The following PXK variants were observed in gnomAD, a reference collection of about 807,000 sequenced individuals.
PXK encodes the protein PX domain-containing protein kinase-like protein.
A neutral mutation model predicts 84.7 loss-of-function variants in PXK; 35 were observed. That is an observed-to-expected ratio of 0.41 (90% CI 0.32 to 0.55). The LOEUF (loss-of-function observed/expected upper bound fraction) is 0.55, where lower values mean the gene tolerates loss of function less well. Among genes scored for constraint, PXK ranks in the 20% least tolerant of loss-of-function variants. The pLI is 0.21. For synonymous variants in PXK, 253 were observed against 260.8 expected, an observed-to-expected ratio of 0.97 and a Z score of 0.29; for missense variants, 634 against 699.7, an observed-to-expected ratio of 0.91 and a Z score of 1.06.
chr3:58,414,805 G>A lies in PXK; in HGVS notation c.1528+1842G>A, dbSNP rs2060722941. The stretch of plus-strand genomic sequence containing the variant: ...ATCTGACCTCTGCTGGGCATTTCCT[G>A]TAATGCATCTCATGAAAATGGTAAC... On this transcript the variant is annotated intron_variant, in intron 17 of 17. Coordinates refer to ENST00000356151, the MANE Select transcript of PXK (RefSeq NM_017771.5). The surrounding 1 kb of genome is among the most constrained non-coding windows in gnomAD (Gnocchi z 4.5). Among the ~76,000 whole-genome samples the A allele has an allele frequency of 6.6e-6, 1 of 152,186 alleles. No individual in the cohort carries two copies. The highest frequency in any genetic ancestry group is 1.5e-5 in the Non-Finnish European group (1 of 68,038).
At chr3:58,350,622 G>A (rs2097904631) in intron 1 of PXK, among the ~76,000 whole-genome samples, 1 of 152,148 alleles carries the variant, frequency 6.6e-6, no homozygotes, top group Non-Finnish European at 1.5e-5. Flanking sequence ...GTGCGCCCTT[G>A]TTTAAGGCAT....
intron 1 of PXK, among the ~76,000 whole-genome samples, chr3:58,342,647 A>AAAAAAAAAAAAAAAG (rs1553743386): frequency 7.2e-6 from 1 of 138,748 alleles, no homozygotes; most frequent in Admixed American, 7.3e-5. Flanking sequence ...AAAAAAAAAA[A>AAAAAAAAAAAAAAAG]AAAAGAAAAG....
intron 17 of PXK, among the ~76,000 whole-genome samples, chr3:58,420,361 G>A (rs376606754): frequency 1.3e-5 from 2 of 152,318 alleles, no homozygotes; most frequent in South Asian, 4.1e-4. Context: ...GCTCACAATC[G>A]TGTTTACAAA....
chr3:58,385,002 G>C lies in PXK; in HGVS notation c.388+2302G>C, dbSNP rs2098539513. ...TTGCACATTTGTGTGACTTTAGTCT[G>C]GTCTGAGTGTTTAAGTTAAAATGCT... On this transcript the variant is annotated intron_variant, in intron 4 of 17. Coordinates refer to ENST00000356151, the MANE Select transcript of PXK (RefSeq NM_017771.5). The surrounding 1 kb of genome is among the most constrained non-coding windows in gnomAD (Gnocchi z 5.1). 1.3e-5 allele frequency among the ~76,000 whole-genome samples: 2 copies of C among 152,186 alleles called. No homozygotes were observed. The highest frequency in any genetic ancestry group is 2.9e-5 in the Non-Finnish European group (2 of 68,032).
chr3:58,339,664 A>C (rs2097693013), intron 1 of PXK, among the ~76,000 whole-genome samples: 2 of 152,160 alleles, frequency 1.3e-5, no homozygotes. Context: ...GACTATAATT[A>C]CTAGGAAGAA....
chr3:58,336,252 T>A (rs1048575022), intron 1 of PXK, among the ~76,000 whole-genome samples: 1 of 151,318 alleles, frequency 6.6e-6, no homozygotes, highest in African/African-American at 2.4e-5. Flanking sequence ...ATTTGTGAAC[T>A]TGGTAGGGAA....
At chr3:58,393,731 C>G (rs1302732491) in intron 7 of PXK, among the ~76,000 whole-genome samples, 1 of 152,142 alleles carries the variant, frequency 6.6e-6, no homozygotes, top group Non-Finnish European at 1.5e-5. Flanking sequence ...AATTAATAAC[C>G]AATGTGTAAG....
In PXK at chr3:58,421,843, G is replaced by GTT; in HGVS notation, c.1529-2908_1529-2907insTT. On this transcript the variant is annotated intron_variant, in intron 17 of 17. Coordinates refer to ENST00000356151, the MANE Select transcript of PXK (RefSeq NM_017771.5). The surrounding 1 kb of genome is among the most constrained non-coding windows in gnomAD (Gnocchi z 5.5). ...GGGAGAAATCGGGACTGACCTGGTC[G>GTT]TAACTGAAGGTAAGCTGTTTGCAGC... The GTT allele has an allele frequency of 1.0e-6, 1 of 985,414 alleles. No individual in the cohort carries two copies. Among genetic ancestry groups the GTT allele is most frequent in the African/African-American group, 1.7e-5 (1 of 57,346 alleles). 61.0% of individuals were successfully genotyped at this position (985,414 alleles called of 1,614,324 possible).
At chr3:58,342,934 C>G (rs2097762765) in intron 1 of PXK, among the ~76,000 whole-genome samples, 1 of 152,170 alleles carries the variant, frequency 6.6e-6, no homozygotes, top group Non-Finnish European at 1.5e-5. Flanking sequence ...GAGCAGGGTT[C>G]TAGGCACGGC....
intron 3 of PXK, among the ~76,000 whole-genome samples, chr3:58,369,835 A>AG: frequency 6.6e-6 from 1 of 152,080 alleles, no homozygotes; most frequent in Non-Finnish European, 1.5e-5. Context: ...AAAAAAAAAA[A>AG]AAAAAACAAA....
At chr3:58,382,449 A>C in intron 3 of PXK, 65 bp from the exon 4 acceptor site, 1 of 1,343,904 alleles carries the variant, frequency 7.4e-7, no homozygotes, top group African/African-American at 1.5e-5. Flanking sequence ...TGATAGGTCA[A>C]GATTTTTGTG....
intron 1 of PXK, among the ~76,000 whole-genome samples, chr3:58,359,411 A>C (rs2098141836): frequency 2.0e-5 from 3 of 151,764 alleles, no homozygotes; most frequent in Admixed American, 2.0e-4. Context: ...GTGCCTGTAA[A>C]TCCCAGCTAC....
intron 13 of PXK, among the ~76,000 whole-genome samples, chr3:58,404,432 A>T (rs914412694): frequency 6.6e-6 from 1 of 152,174 alleles, no homozygotes; most frequent in Non-Finnish European, 1.5e-5. Context: ...TAACCTCACC[A>T]CTAGATGCCA....
In PXK at chr3:58,390,938, G is replaced by C. The variant is rs1360546106; in HGVS notation, c.467-209G>C. 1.3e-5 allele frequency among the ~76,000 whole-genome samples: 2 copies of C among 152,114 alleles called. No individual in the cohort carries two copies. The highest frequency in any genetic ancestry group is 4.8e-5 in the African/African-American group (2 of 41,414). ...ATCTAAACTGAAGTGCTACTTTCCT[G>C]CCTTTTCCGTGAATAATTTCTTCAT... is the stretch of plus-strand genomic sequence containing the variant. On this transcript the variant is annotated intron_variant, in intron 5 of 17. Coordinates refer to ENST00000356151, the MANE Select transcript of PXK (RefSeq NM_017771.5). The surrounding 1 kb of genome is among the most constrained non-coding windows in gnomAD (Gnocchi z 4.2).
At chr3:58,393,957 A>G (rs79547090) in intron 7 of PXK, among the ~76,000 whole-genome samples, 1 of 152,204 alleles carries the variant, frequency 6.6e-6, no homozygotes, top group Non-Finnish European at 1.5e-5. Flanking sequence ...GGTGATGAAA[A>G]TGTTCTATAA....
intron 15 of PXK, 65 bp from the exon 16 acceptor site, chr3:58,410,025 C>T: frequency 1.9e-6 from 2 of 1,027,444 alleles, no homozygotes; most frequent in South Asian, 1.3e-5. Flanking sequence ...TTCTAACTCC[C>T]AGCTTCACTG....
At chr3:58,413,166 G>GGAC in intron 17 of PXK, 1 of 627,520 alleles carries the variant, frequency 1.6e-6, no homozygotes, top group Non-Finnish European at 2.8e-6. Flanking sequence ...CACAGGGAAT[G>GGAC]GACCGGTTTC....
intron 7 of PXK, 124 bp downstream of exon 7, chr3:58,391,971 T>A: frequency 1.2e-6 from 1 of 843,144 alleles, no homozygotes; most frequent in Non-Finnish European, 1.9e-6. Context: ...CAGGTCAGAC[T>A]GAAATTGTGT....
In PXK at chr3:58,424,767, C is replaced by G. The variant is rs766632786; in HGVS notation, c.1544C>G (p.Pro515Arg). Reference sequence around the variant, plus strand: ...TCCTCCACAGGGATATCTGCATTACCTCCACCTCCTCCACCTCCACCACCA... The same window carrying G: ...TCCTCCACAGGGATATCTGCATTACGTCCACCTCCTCCACCTCCACCACCA... ...PPSTSGISAL[P>R]PPPPPPPPPA... The change falls in exon 18 of 18, where the codon CCT (proline) becomes CGT (arginine). Residue 515 changes from proline (P) to arginine (R), a missense_variant. Pro to Arg is a moderately radical substitution (Grantham distance 103). This residue lies in a region of PXK where 273 missense variants were observed against 283.6 expected (regional missense o/e 0.96). Transcript: ENST00000356151. The G allele has an allele frequency of 5.6e-6, 9 of 1,613,742 alleles. No individual in the cohort carries two copies. Among genetic ancestry groups the G allele is most frequent in the Non-Finnish European group, 7.6e-6 (9 of 1,179,908 alleles).
Sources: gnomAD v4.1 joint callset for allele counts (sites outside exome capture counted in the v4.1 genomes callset) on GRCh38, gnomAD v4.1.1 for gene constraint, gnomAD v4.1.1 regional missense constraint, Gnocchi (gnomAD v3.1) non-coding constraint, MANE v1.5 for transcripts, NCBI Gene and HGNC (gene_info 2026-07-23, HGNC 2026-07-21) for gene names.